The following CAMTA1 variants were observed in gnomAD, a reference collection of about 807,000 sequenced individuals.
CAMTA1 encodes calmodulin-binding transcription activator 1.
In CAMTA1, 27 loss-of-function variants were observed where a neutral mutation model predicts 170.9. The observed-to-expected ratio is 0.16, with a 90% CI of 0.12 to 0.22. The LOEUF is 0.22. Among genes scored for constraint, CAMTA1 ranks in the 10% least tolerant of loss-of-function variants. CAMTA1 has a pLI of 1.00. For missense variants in CAMTA1, 1,619 were observed against 2,217.2 expected (o/e 0.73, Z 5.42); for synonymous variants, 833 against 891.5 (o/e 0.93, Z 1.17).
rs556401005 is a variant in CAMTA1, at chr1:7,353,566, A to G, written c.438+103940A>G. 1.2e-4 allele frequency among the ~76,000 whole-genome samples: 18 copies of G among 151,788 alleles called. No individual in the cohort carries two copies. The South Asian group carries it at 3.8e-3, about 32-fold the overall frequency. On this transcript the variant is annotated intron_variant, in intron 5 of 22. Transcript: ENST00000303635. ...TAGCCTCCCGAGTAGCTGGGATTACAGGCACACACCACCACACCCAGCTAA... is the reference window on the plus strand; with the variant it reads ...TAGCCTCCCGAGTAGCTGGGATTACGGGCACACACCACCACACCCAGCTAA...
intron 6 of CAMTA1, among the ~76,000 whole-genome samples, chr1:7,602,912 A>G (rs1029165151): frequency 1.2e-4 from 18 of 152,110 alleles, no homozygotes; most frequent in Non-Finnish European, 2.5e-4. Context: ...TTCATTATGT[A>G]CCCAGTAGTC....
intron 3 of CAMTA1, among the ~76,000 whole-genome samples, chr1:6,930,764 G>A (rs990640892): frequency 2.0e-5 from 3 of 152,172 alleles, no homozygotes; most frequent in Admixed American, 6.5e-5. Context: ...TGGGGCTCAC[G>A]GAAAAATGCT....
intron 4 of CAMTA1, among the ~76,000 whole-genome samples, chr1:7,207,559 G>A (rs949004152): frequency 1.3e-5 from 2 of 152,096 alleles, no homozygotes; most frequent in African/African-American, 4.8e-5. Context: ...TGACCTTGGA[G>A]CCCTGTCCCA....
At position 7,050,639 on chromosome 1, in the gene CAMTA1, C is replaced by T. The variant is rs1351355976; in HGVS notation, c.235-40665C>T. Among the ~76,000 whole-genome samples the T allele has an allele frequency of 6.6e-6, 1 of 152,112 alleles. No homozygotes were observed. Among genetic ancestry groups the T allele is most frequent in the Non-Finnish European group, 1.5e-5 (1 of 68,012 alleles). On this transcript the variant is annotated intron_variant, in intron 3 of 22. Coordinates refer to ENST00000303635, the MANE Select transcript of CAMTA1 (RefSeq NM_015215.4). The surrounding 1 kb of genome is among the most constrained non-coding windows in gnomAD (Gnocchi z 4.8). Reference sequence around the variant, plus strand: ...TGAACATGTCTTTGTAGGTTTATCACCAAGGTAGAAGAGTTCATTGTCTAT... The same window carrying T: ...TGAACATGTCTTTGTAGGTTTATCATCAAGGTAGAAGAGTTCATTGTCTAT...
intron 3 of CAMTA1, among the ~76,000 whole-genome samples, chr1:6,979,583 C>T (rs1183669805): frequency 6.6e-6 from 1 of 152,186 alleles, no homozygotes; most frequent in Non-Finnish European, 1.5e-5. Context: ...GCCATTATTT[C>T]ATTTTGATGG....
intron 4 of CAMTA1, among the ~76,000 whole-genome samples, chr1:7,211,691 A>G (rs956951528): frequency 2.0e-5 from 3 of 152,158 alleles, no homozygotes; most frequent in African/African-American, 7.2e-5. Context: ...ATCTCTAATG[A>G]GCCCCGGCTC....
At chr1:7,338,200 A>C (rs1008023017) in intron 5 of CAMTA1, among the ~76,000 whole-genome samples, 2 of 151,808 alleles carry the variant, frequency 1.3e-5, no homozygotes, top group African/African-American at 2.4e-5. Flanking sequence ...TTTGGTACTC[A>C]CCCAGCACCC....
At chr1:7,174,601 G>A (rs575185414) in intron 4 of CAMTA1, among the ~76,000 whole-genome samples, 1 of 152,184 alleles carries the variant, frequency 6.6e-6, no homozygotes, top group Non-Finnish European at 1.5e-5. Context: ...AGGCTGGGGG[G>A]ACCACTTCTG....
intron 4 of CAMTA1, among the ~76,000 whole-genome samples, chr1:7,211,631 T>C (rs1208532453): frequency 1.3e-5 from 2 of 152,170 alleles, no homozygotes; most frequent in African/African-American, 4.8e-5. Flanking sequence ...TCCAGCAAAA[T>C]GTCCCAAGGT....
intron 5 of CAMTA1, among the ~76,000 whole-genome samples, chr1:7,328,103 T>G (rs908077654): frequency 6.6e-6 from 1 of 152,214 alleles, no homozygotes; most frequent in East Asian, 1.9e-4. Context: ...ACATTTTCAC[T>G]GTGATGTACT....
chr1:7,207,324 G>A (rs1657917404), intron 4 of CAMTA1, among the ~76,000 whole-genome samples: 1 of 152,224 alleles, frequency 6.6e-6, no homozygotes, highest in Non-Finnish European at 1.5e-5. Context: ...TACCCAGTGA[G>A]CGTGTCAAGG....
chr1:7,745,026 A>T lies in CAMTA1; in HGVS notation c.4370+4A>T. 1 of 1,608,824 alleles carries T rather than the reference A, an allele frequency of 6.2e-7. No individual in the cohort carries two copies. The highest frequency in any genetic ancestry group is 8.5e-7 in the Non-Finnish European group (1 of 1,177,570). ...TTCCCAGTGCTGCCCAGATCCGGTG[A>T]GTAAAGTTACGGAGGTCACTACCCA... On this transcript the variant is annotated splice_donor_region_variant and intron_variant, in intron 17 of 22. Transcript: ENST00000303635.
intron 6 of CAMTA1, among the ~76,000 whole-genome samples, chr1:7,498,490 AGAGT>A (rs945723640): frequency 4.7e-5 from 7 of 148,166 alleles, no homozygotes; most frequent in African/African-American, 1.3e-4. Context: ...AGCATGTATG[AGAGT>A]GAGTGTGGGT....
chr1:7,397,308 T>C (rs1410324571), intron 5 of CAMTA1, among the ~76,000 whole-genome samples: 3 of 152,274 alleles, frequency 2.0e-5, no homozygotes, highest in Non-Finnish European at 4.4e-5. Context: ...TTATGATCCT[T>C]TGTATTTCTG....
chr1:7,325,460 C>T lies in CAMTA1; in HGVS notation c.438+75834C>T, dbSNP rs141370524. ...GTTTTAAACTGGAGCATGCTGAGCA[C>T]GTTCAAAGACAGCAAGGAAGCCAGC... On this transcript the variant is annotated intron_variant, in intron 5 of 22. Transcript: ENST00000303635. This position sits in a 1 kb window ranked among gnomAD's most constrained non-coding sequence, Gnocchi z 5.0. Among the ~76,000 whole-genome samples, 17 of 152,238 alleles carry T rather than the reference C, an allele frequency of 1.1e-4. No individual in the cohort carries two copies. In the East Asian group the frequency reaches 3.3e-3, roughly 29 times the overall value.
At chr1:7,088,483 C>T (rs1244038859) in intron 3 of CAMTA1, among the ~76,000 whole-genome samples, 1 of 152,182 alleles carries the variant, frequency 6.6e-6, no homozygotes, top group African/African-American at 2.4e-5. Context: ...TCAAAGTGGT[C>T]CTGTTCCCTT....
At chr1:7,306,582 G>A (rs1434714638) in intron 5 of CAMTA1, among the ~76,000 whole-genome samples, 2 of 151,920 alleles carry the variant, frequency 1.3e-5, no homozygotes, top group African/African-American at 4.8e-5. Context: ...CCAAAATTTA[G>A]TTTTCTTTTA....
At chr1:7,069,231 CA>C (rs1638271791) in intron 3 of CAMTA1, among the ~76,000 whole-genome samples, 1 of 152,236 alleles carries the variant, frequency 6.6e-6, no homozygotes, top group Non-Finnish European at 1.5e-5. Context: ...CTGCATGCCA[CA>C]TGCTATGCAG....
chr1:6,933,320 C>G (rs1388977237), intron 3 of CAMTA1, among the ~76,000 whole-genome samples: 1 of 152,022 alleles, frequency 6.6e-6, no homozygotes, highest in African/African-American at 2.4e-5. Context: ...AGTATAGTGG[C>G]ATGATCTCAG....
Sources: allele counts gnomAD v4.1 joint callset (sites outside exome capture counted in the v4.1 genomes callset), GRCh38; gene constraint gnomAD v4.1.1; non-coding constraint Gnocchi (gnomAD v3.1); transcripts MANE v1.5; gene names NCBI Gene and HGNC (gene_info 2026-07-23, HGNC 2026-07-21).